TACR1: variants seen among roughly 807,000 people sequenced by gnomAD.
TACR1 encodes the protein substance-P receptor.
TACR1 carries 25 observed loss-of-function variants against 35.8 expected under a neutral mutation model. That is an observed-to-expected ratio of 0.70 (90% CI 0.51 to 0.98). The LOEUF (loss-of-function observed/expected upper bound fraction) is 0.98. Ranked by LOEUF, TACR1 falls within the 50% of genes least tolerant of loss-of-function variation. The pLI is 0.00. For missense variants in TACR1, 478 were observed against 522.9 expected, an observed-to-expected ratio of 0.91 and a Z score of 0.84; for synonymous variants, 195 against 206.7, an observed-to-expected ratio of 0.94 and a Z score of 0.48.
At chr2:75,134,203 A>G (rs1021092390) in intron 1 of TACR1, among the ~76,000 whole-genome samples, 1 of 152,222 alleles carries the variant, frequency 6.6e-6, no homozygotes, top group African/African-American at 2.4e-5. Context: ...TTACTTTCTT[A>G]ATAAACTTGC....
rs78110406 is a variant in TACR1, at chr2:75,064,899, T to C, written c.585-11144A>G. Among the ~76,000 whole-genome samples the C allele has an allele frequency of 3.2e-4, 48 of 152,234 alleles. No homozygotes were observed. The East Asian group carries it at 8.9e-3, about 28-fold the overall frequency. ...GACCACAAAGCTCCTAGTGGTAAGT[T>C]AAGGTTCTTACTTAGGGTGGAGAAG... On this transcript the variant is annotated intron_variant, in intron 2 of 4. Transcript: ENST00000305249.
intron 1 of TACR1, among the ~76,000 whole-genome samples, chr2:75,145,801 A>C (rs950893709): frequency 2.0e-5 from 3 of 152,208 alleles, no homozygotes; most frequent in Non-Finnish European, 4.4e-5. Context: ...AGTCACTTTT[A>C]GGTGTGTGGA....
chr2:75,119,988 A>T (rs1394206069), intron 2 of TACR1, among the ~76,000 whole-genome samples: 1 of 152,234 alleles, frequency 6.6e-6, no homozygotes, highest in Non-Finnish European at 1.5e-5. Context: ...GACGTGATGT[A>T]AAACACAAAC....
At chr2:75,110,926 C>T (rs771868549) in intron 2 of TACR1, among the ~76,000 whole-genome samples, 7 of 151,940 alleles carry the variant, frequency 4.6e-5, no homozygotes, top group Non-Finnish European at 8.8e-5. Context: ...CCCACCTTCC[C>T]CATAACCTCA....
intron 2 of TACR1, among the ~76,000 whole-genome samples, chr2:75,086,563 C>T (rs1034238263): frequency 1.3e-5 from 2 of 152,154 alleles, no homozygotes. Flanking sequence ...TACTATATCT[C>T]CAAGAGGAAG....
intron 2 of TACR1, among the ~76,000 whole-genome samples, chr2:75,104,631 G>T (rs1673604865): frequency 6.6e-6 from 1 of 152,052 alleles, no homozygotes; most frequent in Admixed American, 6.6e-5. Flanking sequence ...CAGATAACAT[G>T]TTAGGATGTA....
intron 1 of TACR1, among the ~76,000 whole-genome samples, chr2:75,135,557 C>T (rs1202316033): frequency 6.6e-6 from 1 of 152,118 alleles, no homozygotes; most frequent in Non-Finnish European, 1.5e-5. Flanking sequence ...GCCAGGCGCC[C>T]AAAGATACTC....
At chr2:75,167,971 AT>A (rs1364473449) in intron 1 of TACR1, among the ~76,000 whole-genome samples, 1 of 152,192 alleles carries the variant, frequency 6.6e-6, no homozygotes, top group Non-Finnish European at 1.5e-5. Context: ...AAAATTGGGC[AT>A]TTTCATACAC....
intron 2 of TACR1, among the ~76,000 whole-genome samples, chr2:75,080,781 T>C (rs1037802242): frequency 1.1e-4 from 16 of 152,130 alleles, no homozygotes; most frequent in African/African-American, 3.4e-4. Flanking sequence ...CTTAGGAAAG[T>C]TAAAAAATGC....
chr2:75,108,359 T>C (rs1301314878), intron 2 of TACR1, among the ~76,000 whole-genome samples: 2 of 152,164 alleles, frequency 1.3e-5, no homozygotes, highest in Non-Finnish European at 2.9e-5. Flanking sequence ...TTAAAATGAT[T>C]TGCATACATG....
At chr2:75,138,522 C>T (rs1451776272) in intron 1 of TACR1, among the ~76,000 whole-genome samples, 3 of 152,076 alleles carry the variant, frequency 2.0e-5, no homozygotes, top group Admixed American at 6.5e-5. Context: ...TTTCTTGACT[C>T]GAAACTGAGG....
rs1419101069 is a variant in TACR1 at position 75,049,385 on chromosome 2, G to T, written c.*47C>A. On this transcript the variant is annotated 3_prime_UTR_variant, in exon 5 of 5. Coordinates refer to ENST00000305249, the MANE Select transcript of TACR1 (RefSeq NM_001058.4). ...AAGGGAATTTCCATGCATGAAGGGA[G>T]GCAGGTCAAAGGCAGTGGGGGCTGC... 3 of 1,567,396 alleles carry T rather than the reference G, an allele frequency of 1.9e-6. No individual in the cohort carries two copies. The highest frequency in any genetic ancestry group is 1.2e-5 in the South Asian group (1 of 84,940).
At chr2:75,158,627 G>A (rs1334384870) in intron 1 of TACR1, among the ~76,000 whole-genome samples, 2 of 152,168 alleles carry the variant, frequency 1.3e-5, no homozygotes, top group East Asian at 3.8e-4. Context: ...TTGTTGAAAT[G>A]CCTGCTGAAT....
intron 1 of TACR1, among the ~76,000 whole-genome samples, chr2:75,190,288 G>T (rs1393593280): frequency 6.6e-6 from 1 of 152,146 alleles, no homozygotes; most frequent in Non-Finnish European, 1.5e-5. Context: ...CTTAGGGGAT[G>T]GTGTAAAAGA....
intron 2 of TACR1, among the ~76,000 whole-genome samples, chr2:75,066,723 C>G (rs761222315): frequency 2.0e-5 from 3 of 152,206 alleles, no homozygotes; most frequent in Non-Finnish European, 4.4e-5. Flanking sequence ...CCAGCATAGA[C>G]AATAGACCAT....
intron 2 of TACR1, among the ~76,000 whole-genome samples, chr2:75,082,144 C>T (rs1042897126): frequency 1.3e-5 from 2 of 151,992 alleles, no homozygotes; most frequent in Non-Finnish European, 2.9e-5. Flanking sequence ...TTGTTCAATT[C>T]CCATCTATGA....
chr2:75,067,108 T>G (rs1223372196), intron 2 of TACR1, among the ~76,000 whole-genome samples: 2 of 151,994 alleles, frequency 1.3e-5, no homozygotes, highest in African/African-American at 2.4e-5. Context: ...AGTGGGAGAT[T>G]ATGAGAGCAG....
intron 2 of TACR1, among the ~76,000 whole-genome samples, chr2:75,115,969 A>G (rs963213403): frequency 2.0e-5 from 3 of 152,002 alleles, no homozygotes; most frequent in Non-Finnish European, 4.4e-5. Flanking sequence ...TCTCTAAGAC[A>G]TACTGAGTTT....
chr2:75,065,462 C>T (rs889795627), intron 2 of TACR1, among the ~76,000 whole-genome samples: 1 of 152,156 alleles, frequency 6.6e-6, no homozygotes. Flanking sequence ...CTCTCAAACC[C>T]TCTAGATGGG....
Sources: allele counts gnomAD v4.1 joint callset (sites outside exome capture counted in the v4.1 genomes callset), GRCh38; gene constraint gnomAD v4.1.1; transcripts MANE v1.5; gene names NCBI Gene and HGNC (gene_info 2026-07-23, HGNC 2026-07-21).